The following CD2AP variants were observed in gnomAD, a reference collection of about 807,000 sequenced individuals.
The protein encoded by CD2AP is CD2-associated protein.
CD2AP carries 46 observed loss-of-function variants against 85.1 expected under a neutral mutation model. The observed-to-expected ratio is 0.54, with a 90% CI of 0.43 to 0.69. The LOEUF (loss-of-function observed/expected upper bound fraction) is 0.69, where lower values mean the gene tolerates loss of function less well. CD2AP is among the 30% of genes least tolerant of loss of function. The pLI, the probability that CD2AP is intolerant of heterozygous loss-of-function variation, is 0.00. For synonymous variants in CD2AP, 255 were observed against 252.9 expected (o/e 1.01, Z -0.08); for missense variants, 769 against 729.5 (o/e 1.05, Z -0.62).
At chr6:47,536,494 G>C (rs1351827623) in intron 3 of CD2AP, among the ~76,000 whole-genome samples, 1 of 152,150 alleles carries the variant, frequency 6.6e-6, no homozygotes, top group African/African-American at 2.4e-5. Flanking sequence ...CTACAAAGGA[G>C]AGGTTCAAAT....
intron 1 of CD2AP, among the ~76,000 whole-genome samples, chr6:47,497,347 C>CTCCCCTTCCCCTTCCCCT (rs201742003): frequency 6.1e-4 from 84 of 138,236 alleles, no homozygotes; most frequent in African/African-American, 2.5e-3. Context: ...CTTCCCTTCC[C>CTCCCCTTCCCCTTCCCCT]TCCCCTTCCC....
intron 2 of CD2AP, among the ~76,000 whole-genome samples, chr6:47,527,113 C>CTCT (rs1554170260): frequency 1.1e-4 from 16 of 151,636 alleles, no homozygotes; most frequent in Non-Finnish European, 2.2e-4. Context: ...GACTCCCCCC[C>CTCT]GATTGAAAAA....
In CD2AP at chr6:47,627,084, T is replaced by C. The variant is rs1019963927; in HGVS notation, c.*2857T>C. On this transcript the variant is annotated 3_prime_UTR_variant, in exon 18 of 18. Coordinates refer to ENST00000359314, the MANE Select transcript of CD2AP (RefSeq NM_012120.3). ...TTCACTAACTTGTTTACAGGTGCTGTATTTAAAAGCATGCTTCTCTCTCAA... is the reference window on the plus strand; with the variant it reads ...TTCACTAACTTGTTTACAGGTGCTGCATTTAAAAGCATGCTTCTCTCTCAA... The C allele has an allele frequency of 1.3e-5, 2 of 152,450 alleles. No homozygotes were observed. Among genetic ancestry groups the C allele is most frequent in the African/African-American group, 4.8e-5 (2 of 41,440 alleles). The allele number at this position is 152,450 out of a possible 1,614,324, so 9.4% of individuals were successfully genotyped here.
chr6:47,514,659 G>A (rs573763382), intron 2 of CD2AP, among the ~76,000 whole-genome samples: 1 of 152,314 alleles, frequency 6.6e-6, no homozygotes, highest in Non-Finnish European at 1.5e-5. Flanking sequence ...GTGTAAAACA[G>A]GATAAATTGT....
chr6:47,532,303 A>G (rs1430237078), intron 2 of CD2AP, among the ~76,000 whole-genome samples: 1 of 150,550 alleles, frequency 6.6e-6, no homozygotes, highest in African/African-American at 2.5e-5. Flanking sequence ...TGATCATGCC[A>G]CTGCACTCCA....
chr6:47,496,356 C>G, intron 1 of CD2AP, among the ~76,000 whole-genome samples: 1 of 152,066 alleles, frequency 6.6e-6, no homozygotes, highest in Non-Finnish European at 1.5e-5. Context: ...CTTTGATAAC[C>G]TTTGTTTTAC....
At chr6:47,566,323 TACACATACAC>T (rs1767999700) in intron 5 of CD2AP, among the ~76,000 whole-genome samples, 17 of 108,360 alleles carry the variant, frequency 1.6e-4, no homozygotes, top group Non-Finnish European at 3.4e-4. Flanking sequence ...TATATATATA[TACACATACAC>T]ATATATATAT....
chr6:47,526,812 A>G (rs1449850357), intron 2 of CD2AP, among the ~76,000 whole-genome samples: 2 of 152,104 alleles, frequency 1.3e-5, no homozygotes, highest in African/African-American at 4.8e-5. Context: ...TATTTTTTCA[A>G]TGTAGGTAGC....
chr6:47,560,092 CT>C (rs35977811), intron 5 of CD2AP, among the ~76,000 whole-genome samples: 45,214 of 151,770 alleles, frequency 0.3, 8,265 homozygotes, highest in Middle Eastern at 0.51. Flanking sequence ...TATTTTGAAA[CT>C]TTTTTTTAAC....
intron 4 of CD2AP, among the ~76,000 whole-genome samples, chr6:47,553,513 A>ATTTTTT (rs148273065): frequency 4.5e-5 from 5 of 110,492 alleles, no homozygotes; most frequent in Admixed American, 1.0e-4. Context: ...CACCTAGTGA[A>ATTTTTT]TTTTTTTTTT....
chr6:47,548,243 A>G (rs1424671648), intron 4 of CD2AP, among the ~76,000 whole-genome samples: 2 of 152,148 alleles, frequency 1.3e-5, no homozygotes. Flanking sequence ...CAGAAAATAC[A>G]AAAGATAAAT....
At chr6:47,480,386 TG>T (rs1765412766) in intron 1 of CD2AP, among the ~76,000 whole-genome samples, 2 of 152,202 alleles carry the variant, frequency 1.3e-5, no homozygotes, top group African/African-American at 4.8e-5. Context: ...TTATCTAATT[TG>T]TCACAAAATG....
In CD2AP at chr6:47,606,028, G is replaced by A. The variant is rs1167692953; in HGVS notation, c.1418-137G>A. ...GTTGTTTTCCAAATGCATATGAAAA[G>A]CACAGGTCAATTTGTGAGTTCTTCA... On this transcript the variant is annotated intron_variant, in intron 13 of 17. Transcript: ENST00000359314. The A allele has an allele frequency of 8.2e-6, 5 of 610,514 alleles. No individual in the cohort carries two copies. The East Asian group carries it at 1.4e-4, about 17-fold the overall frequency. 37.8% of individuals were successfully genotyped at this position (610,514 alleles called of 1,614,324 possible).
intron 12 of CD2AP, 100 bp from the exon 13 acceptor site, chr6:47,599,201 T>C: frequency 1.1e-6 from 1 of 923,538 alleles, no homozygotes; most frequent in East Asian, 2.5e-5. Context: ...CAGAAAGTAA[T>C]CGGTATTAGG....
chr6:47,579,749 C>A, intron 9 of CD2AP: 1 of 389,108 alleles, frequency 2.6e-6, no homozygotes, highest in South Asian at 3.0e-5. Context: ...GAAGGGCTGT[C>A]TATCCTAATA....
At chr6:47,552,392 C>T (rs1046704435) in intron 4 of CD2AP, among the ~76,000 whole-genome samples, 6 of 151,966 alleles carry the variant, frequency 3.9e-5, no homozygotes, top group South Asian at 2.1e-4. Flanking sequence ...TGAGAACATA[C>T]GATGATTGGT....
At chr6:47,579,516 A>C in intron 9 of CD2AP, 27 bp downstream of exon 9, 2 of 1,348,720 alleles carry the variant, frequency 1.5e-6, no homozygotes, top group Non-Finnish European at 2.1e-6. Flanking sequence ...CAATGATGAT[A>C]ATACTTGAAA....
chr6:47,600,188 C>CT (rs1270548301), intron 13 of CD2AP, among the ~76,000 whole-genome samples: 4 of 151,652 alleles, frequency 2.6e-5, no homozygotes, highest in Middle Eastern at 3.4e-3. Context: ...GAAGCAGATG[C>CT]TTTTTTTTCC....
intron 1 of CD2AP, among the ~76,000 whole-genome samples, chr6:47,501,447 T>G (rs1765994060): frequency 6.6e-6 from 1 of 152,180 alleles, no homozygotes; most frequent in South Asian, 2.1e-4. Context: ...AGTACATACC[T>G]AGACTAGTGA....
Sources: allele counts gnomAD v4.1 joint callset (sites outside exome capture counted in the v4.1 genomes callset), GRCh38; gene constraint gnomAD v4.1.1; transcripts MANE v1.5; gene names NCBI Gene and HGNC (gene_info 2026-07-23, HGNC 2026-07-21).